NELL2: variants seen among roughly 807,000 people sequenced by gnomAD.
NELL2 encodes protein kinase C-binding protein NELL2.
NELL2 carries 41 observed loss-of-function variants against 109.6 expected under a neutral mutation model. That is an observed-to-expected ratio of 0.37 (90% confidence interval 0.29 to 0.49). The LOEUF is 0.49. Among genes scored for constraint, NELL2 ranks in the 20% least tolerant of loss-of-function variants. NELL2 has a pLI of 0.98. For missense variants in NELL2, 900 were observed against 1,008.3 expected (o/e 0.89, Z 1.45); for synonymous variants, 355 against 344.7 (o/e 1.03, Z -0.33).
chr12:44,808,859 A>G lies in NELL2; in HGVS notation c.335+7127T>C, dbSNP rs536182004. On this transcript the variant is annotated intron_variant, in intron 3 of 19. Transcript: ENST00000429094. ...TCACCCAGAATGTATAATTAATATTAAGAGGATAGAAAAATCTCATTTATT... is the reference window on the plus strand; with the variant it reads ...TCACCCAGAATGTATAATTAATATTGAGAGGATAGAAAAATCTCATTTATT... Among the ~76,000 whole-genome samples, 8 of 152,144 alleles carry G rather than the reference A, an allele frequency of 5.3e-5. No individual in the cohort carries two copies. In the South Asian group the frequency reaches 1.7e-3, roughly 32 times the overall value.
At chr12:44,879,824 T>C (rs936591786), upstream of NELL2, among the ~76,000 whole-genome samples, 7 of 152,100 alleles carry the variant, frequency 4.6e-5, no homozygotes, top group East Asian at 1.4e-3. Flanking sequence ...GCACGTGCCC[T>C]TGTGGAAAAC....
intron 12 of NELL2, among the ~76,000 whole-genome samples, chr12:44,675,902 G>T (rs951761774): frequency 6.6e-5 from 10 of 152,222 alleles, no homozygotes; most frequent in East Asian, 1.9e-4. Context: ...TCAACGTCCA[G>T]ACGAGTCTCA....
At chr12:44,587,665 A>G (rs1267325858) in intron 15 of NELL2, among the ~76,000 whole-genome samples, 4 of 152,164 alleles carry the variant, frequency 2.6e-5, no homozygotes, top group Admixed American at 6.5e-5. Flanking sequence ...ATTCCAATTT[A>G]GTAAACAGCT....
At chr12:44,586,490 A>G (rs1016024596) in intron 15 of NELL2, among the ~76,000 whole-genome samples, 9 of 152,108 alleles carry the variant, frequency 5.9e-5, no homozygotes, top group Non-Finnish European at 1.5e-5. Context: ...GCCTCTGCTC[A>G]GAATAATAGT....
chr12:44,903,698 C>T (rs1945687653), intron 1 of NELL2, among the ~76,000 whole-genome samples: 1 of 152,086 alleles, frequency 6.6e-6, no homozygotes, highest in Non-Finnish European at 1.5e-5. Context: ...CTGTAGAATA[C>T]TATGCAGCCA....
intron 13 of NELL2, among the ~76,000 whole-genome samples, chr12:44,627,583 G>C (rs1946313158): frequency 6.6e-6 from 1 of 152,122 alleles, no homozygotes. Flanking sequence ...ATAGTTGACT[G>C]CTCTGAGTCT....
intron 13 of NELL2, among the ~76,000 whole-genome samples, chr12:44,625,589 TA>T (rs971346614): frequency 6.6e-6 from 1 of 151,502 alleles, no homozygotes; most frequent in African/African-American, 2.4e-5. Context: ...TTTCATGCAT[TA>T]AAAAAAATGG....
intron 12 of NELL2, among the ~76,000 whole-genome samples, chr12:44,685,112 T>C (rs1000362837): frequency 6.6e-6 from 1 of 152,240 alleles, no homozygotes; most frequent in Non-Finnish European, 1.5e-5. Flanking sequence ...CTGTATTGGA[T>C]GCATATATAT....
At chr12:44,695,776 G>A (rs1949044426) in intron 12 of NELL2, among the ~76,000 whole-genome samples, 1 of 151,994 alleles carries the variant, frequency 6.6e-6, no homozygotes, top group Admixed American at 6.6e-5. Flanking sequence ...ACCAGCCTAG[G>A]CAACACAGTG....
chr12:44,798,060 C>T lies in NELL2; in HGVS notation c.335+17926G>A, dbSNP rs199934966. ...AATGATGGAATAAAAGCATTCCATC[C>T]TAGATGGAATGATGGAATAAAAGCA... is the stretch of plus-strand genomic sequence containing the variant. On this transcript the variant is annotated intron_variant, in intron 3 of 19. Transcript: ENST00000429094. 1.5e-4 allele frequency among the ~76,000 whole-genome samples: 19 copies of T among 123,204 alleles called. No individual in the cohort carries two copies. In the East Asian group the frequency reaches 3.5e-3, roughly 22 times the overall value. The allele number at this position is 123,204 out of a possible 152,430, so 80.8% of individuals were successfully genotyped here. A position where few individuals can be genotyped will look rare whatever the true frequency, so the allele number is the denominator to read the frequency against.
At chr12:44,690,601 A>G (rs1049686816) in intron 12 of NELL2, among the ~76,000 whole-genome samples, 1 of 143,802 alleles carries the variant, frequency 7.0e-6, no homozygotes, top group Non-Finnish European at 1.6e-5. Flanking sequence ...AACAAAGCAC[A>G]AAAACATCAA....
Position 44,875,798 on chromosome 12 carries a change from G to A in NELL2, c.55+17C>T. On this transcript the variant is annotated intron_variant, in intron 1 of 19. Coordinates refer to ENST00000429094, the MANE Select transcript of NELL2 (RefSeq NM_001145108.2). The stretch of plus-strand genomic sequence containing the variant: ...GGAGCCATCCCTTTCCCCAGCCCCA[G>A]CTCTGCGGCCACTCACCTGCTCCGA... 6.2e-7 allele frequency: 1 copy of A among 1,613,192 alleles called. No homozygotes were observed. The highest frequency in any genetic ancestry group is 8.5e-7 in the Non-Finnish European group (1 of 1,180,020).
intron 15 of NELL2, among the ~76,000 whole-genome samples, chr12:44,550,293 C>T (rs907131165): frequency 1.3e-5 from 2 of 151,938 alleles, no homozygotes; most frequent in Non-Finnish European, 2.9e-5. Context: ...ACAATGACTA[C>T]ATATATATCC....
chr12:44,770,219 T>G (rs990107657), intron 9 of NELL2, among the ~76,000 whole-genome samples: 1 of 152,208 alleles, frequency 6.6e-6, no homozygotes, highest in Non-Finnish European at 1.5e-5. Context: ...CTACTTTGTA[T>G]TTTTATCAAT....
chr12:44,615,358 A>G (rs1566022777), intron 13 of NELL2, among the ~76,000 whole-genome samples: 1 of 152,156 alleles, frequency 6.6e-6, no homozygotes, highest in African/African-American at 2.4e-5. Context: ...ATAATTTATA[A>G]TAATCATAGC....
intron 15 of NELL2, among the ~76,000 whole-genome samples, chr12:44,555,401 T>G (rs1224908609): frequency 6.6e-6 from 1 of 152,194 alleles, no homozygotes; most frequent in African/African-American, 2.4e-5. Context: ...TAGGGAGTAT[T>G]TCTTATGAGT....
At chr12:44,783,798 G>A (rs1466692568) in intron 3 of NELL2, among the ~76,000 whole-genome samples, 7 of 151,908 alleles carry the variant, frequency 4.6e-5, no homozygotes, top group Non-Finnish European at 1.0e-4. Flanking sequence ...AAGTAACAGA[G>A]AGAAAAACTA....
chr12:44,574,992 T>A (rs1317473409), intron 15 of NELL2, among the ~76,000 whole-genome samples: 4 of 152,150 alleles, frequency 2.6e-5, no homozygotes, highest in Non-Finnish European at 5.9e-5. Flanking sequence ...ATAGAATGCA[T>A]CCTGTTTGCT....
upstream of NELL2, among the ~76,000 whole-genome samples, chr12:44,880,447 G>A (rs1945398860): frequency 6.6e-6 from 1 of 151,918 alleles, no homozygotes; most frequent in Non-Finnish European, 1.5e-5. Flanking sequence ...AAAGTCAGAT[G>A]TGAGAATATT....
Sources: allele counts gnomAD v4.1 joint callset (sites outside exome capture counted in the v4.1 genomes callset), GRCh38; gene constraint gnomAD v4.1.1; transcripts MANE v1.5; gene names NCBI Gene and HGNC (gene_info 2026-07-23, HGNC 2026-07-21).